The following UFL1 variants were observed in gnomAD, a reference collection of about 807,000 sequenced individuals.
The protein encoded by UFL1 is E3 UFM1-protein ligase 1.
UFL1 carries 78 observed loss-of-function variants against 99.3 expected under a neutral mutation model. The observed-to-expected ratio is 0.79, with a 90% CI of 0.65 to 0.95. The LOEUF is 0.95. Ranked by LOEUF, UFL1 falls within the 40% of genes least tolerant of loss-of-function variation. UFL1 has a pLI of 0.00. For synonymous variants in UFL1, 335 were observed against 322.2 expected (o/e 1.04, Z -0.42); for missense variants, 936 against 937.0 (o/e 1.00, Z 0.01).
intron 6 of UFL1, among the ~76,000 whole-genome samples, chr6:96,531,484 C>T (rs1769782381): frequency 6.6e-6 from 1 of 152,164 alleles, no homozygotes; most frequent in Non-Finnish European, 1.5e-5. Context: ...TTTCCCATTG[C>T]TACTGCAGCT....
At chr6:96,551,654 G>A (rs1770082099) in intron 16 of UFL1, 141 bp downstream of exon 16, 1 of 733,798 alleles carries the variant, frequency 1.4e-6, no homozygotes. Flanking sequence ...GAAATGAGAA[G>A]AGAAGACCAA....
chr6:96,535,898 A>G (rs925106509), intron 7 of UFL1, among the ~76,000 whole-genome samples: 2 of 152,016 alleles, frequency 1.3e-5, no homozygotes, highest in South Asian at 4.1e-4. Flanking sequence ...GAAGTGTTTT[A>G]TCATCTGTTT....
intron 15 of UFL1, 78 bp downstream of exon 15, chr6:96,549,877 G>C: frequency 6.6e-7 from 1 of 1,519,424 alleles, no homozygotes; most frequent in Non-Finnish European, 8.8e-7. Flanking sequence ...CTTATTTGGA[G>C]TAAAGAGGAA....
rs753006194 is a variant in UFL1 at position 96,534,323 on chromosome 6, T to G, written c.655+2T>G. On this transcript the variant is annotated splice_donor_variant, in intron 7 of 18. Transcript: ENST00000369278. LOFTEE classifies it high-confidence loss of function. ...GATTTCAGGAGCAGCTTCTTTACTG[T>G]GAGTTTGGTTTAAATTATATTTACT... The G allele has an allele frequency of 7.0e-6, 11 of 1,574,304 alleles. No individual in the cohort carries two copies. Among genetic ancestry groups the G allele is most frequent in the Non-Finnish European group, 7.8e-6 (9 of 1,160,012 alleles).
rs570552783 is a variant in UFL1 at position 96,551,918 on chromosome 6, G to A, written c.1980G>A (p.Arg660=). Reference sequence around the variant, plus strand: ...TGGTGAAAAGGGGAGACAAAAAAAGGGAAAGGTAACATTAAATTAATCTAT... The same window carrying A: ...TGGTGAAAAGGGGAGACAAAAAAAGAGAAAGGTAACATTAAATTAATCTAT... The part of the protein sequence containing the change: ...DIMVKRGDKK[R]ERQILFQHRQ... Residue 660 remains arginine (R), a synonymous_variant, in exon 17 of 19, where the codon AGG becomes AGA. Transcript: ENST00000369278. 1.3e-6 allele frequency: 2 copies of A among 1,596,408 alleles called. No individual in the cohort carries two copies. The highest frequency in any genetic ancestry group is 2.2e-5 in the South Asian group (2 of 89,272).
chr6:96,547,149 G>A (rs1217414441), intron 12 of UFL1, among the ~76,000 whole-genome samples: 1 of 151,100 alleles, frequency 6.6e-6, no homozygotes, highest in Non-Finnish European at 1.5e-5. Flanking sequence ...AAGCCCCATT[G>A]AAAACTGAGC....
At chr6:96,533,812 A>AG (rs1382931267) in intron 6 of UFL1, among the ~76,000 whole-genome samples, 1 of 151,494 alleles carries the variant, frequency 6.6e-6, no homozygotes, top group African/African-American at 2.4e-5. Flanking sequence ...AAAAAAAAAA[A>AG]AAAAAGATTT....
chr6:96,551,258 G>T (rs747125744), intron 15 of UFL1, among the ~76,000 whole-genome samples, 175 bp from the exon 16 acceptor site: 18 of 144,782 alleles, frequency 1.2e-4, no homozygotes, highest in Non-Finnish European at 2.2e-4. Context: ...TATCTATCCT[G>T]TTTGGCTGAT....
At chr6:96,545,205 C>A (rs1355930668) in intron 12 of UFL1, among the ~76,000 whole-genome samples, 1 of 150,768 alleles carries the variant, frequency 6.6e-6, no homozygotes, top group East Asian at 1.9e-4. Context: ...GATTTTTGAG[C>A]CATTTTATTT....
At chr6:96,523,091 T>C in intron 1 of UFL1, 55 bp from the exon 2 acceptor site, 1 of 1,512,762 alleles carries the variant, frequency 6.6e-7, no homozygotes, top group Non-Finnish European at 8.9e-7. Flanking sequence ...ATTAATTTTA[T>C]TGAGCGCCAA....
chr6:96,531,125 A>G (rs1769777311), intron 6 of UFL1, among the ~76,000 whole-genome samples: 1 of 152,252 alleles, frequency 6.6e-6, no homozygotes, highest in Non-Finnish European at 1.5e-5. Flanking sequence ...ATGATCTGAG[A>G]TGGAACAGTT....
chr6:96,523,485 C>T (rs1044968288), intron 2 of UFL1, among the ~76,000 whole-genome samples, 194 bp downstream of exon 2: 1 of 152,024 alleles, frequency 6.6e-6, no homozygotes, highest in Non-Finnish European at 1.5e-5. Flanking sequence ...TAAATGAACT[C>T]AAATGTTGTC....
rs149223916 is a variant in UFL1, at chr6:96,533,290, A to T, written c.597-973A>T. ...GAAATGAAAACATTCATCGATACAA[A>T]GTCAAAAACATAAATGTTCATAGGA... On this transcript the variant is annotated intron_variant, in intron 6 of 18. Coordinates refer to ENST00000369278, the MANE Select transcript of UFL1 (RefSeq NM_015323.5). 2.9e-3 allele frequency among the ~76,000 whole-genome samples: 441 copies of T among 152,222 alleles called. 1 individual carries two copies. The highest frequency in any genetic ancestry group is 0.01 in the African/African-American group (419 of 41,556).
chr6:96,533,979 G>A (rs1769819287), intron 6 of UFL1, among the ~76,000 whole-genome samples: 1 of 151,590 alleles, frequency 6.6e-6, no homozygotes, highest in African/African-American at 2.4e-5. Context: ...AAAAAACATT[G>A]AAGAAAAACC....
At position 96,543,733 on chromosome 6, in the gene UFL1, T is replaced by A. The variant is rs182856250; in HGVS notation, c.1402+717T>A. 1.6e-3 allele frequency among the ~76,000 whole-genome samples: 238 copies of A among 151,224 alleles called. 1 individual carries two copies. Among genetic ancestry groups the A allele is most frequent in the Admixed American group, 3.8e-3 (57 of 15,118 alleles). On this transcript the variant is annotated intron_variant, in intron 12 of 18. Coordinates refer to ENST00000369278, the MANE Select transcript of UFL1 (RefSeq NM_015323.5). ...AAGGGATAAAACATTGGAAGCTGAT[T>A]CAGAGTTAGAAAGTGGTATGACAAT...
rs1371214065 is a variant in UFL1, at chr6:96,542,893, G to A, written c.1280-1G>A. 6.4e-7 allele frequency: 1 copy of A among 1,568,786 alleles called. No individual in the cohort carries two copies. The highest frequency in any genetic ancestry group is 1.4e-5 in the African/African-American group (1 of 71,784). On this transcript the variant is annotated splice_acceptor_variant, in intron 11 of 18. Transcript: ENST00000369278. LOFTEE classifies it high-confidence loss of function. ...GCTAACTAATGTCATTTTCCCACCA[G>A]AGGGCAGTGGAAGCATGAGAGGAGG... is the stretch of plus-strand genomic sequence containing the variant.
intron 12 of UFL1, among the ~76,000 whole-genome samples, chr6:96,545,962 G>A (rs1769992055): frequency 6.6e-6 from 1 of 151,156 alleles, no homozygotes; most frequent in African/African-American, 2.4e-5. Flanking sequence ...CTGGAACAAG[G>A]CAAAGGATGT....
At chr6:96,526,558 T>C (rs1015317742) in intron 5 of UFL1, 123 bp downstream of exon 5, 1 of 755,970 alleles carries the variant, frequency 1.3e-6, no homozygotes, top group African/African-American at 1.8e-5. Context: ...TGCAGGTGTC[T>C]GACTTGATAT....
chr6:96,541,616 T>TTA (rs146993197), intron 11 of UFL1, among the ~76,000 whole-genome samples: 17,604 of 151,296 alleles, frequency 0.12, 1,065 homozygotes, highest in East Asian at 0.25. Flanking sequence ...AATTAATAAA[T>TTA]TACTTAAATC....
Sources: allele counts gnomAD v4.1 joint callset (sites outside exome capture counted in the v4.1 genomes callset), GRCh38; gene constraint gnomAD v4.1.1; transcripts MANE v1.5; gene names NCBI Gene and HGNC (gene_info 2026-07-23, HGNC 2026-07-21).